Variants in SMG1 observed in about 807,000 individuals in gnomAD.
SMG1 encodes the protein serine/threonine-protein kinase SMG1.
In SMG1, 22 loss-of-function variants were observed where a neutral mutation model predicts 419.9. That is an observed-to-expected ratio of 0.05 (90% CI 0.04 to 0.07). SMG1 has a LOEUF of 0.07. Among genes scored for constraint, SMG1 ranks in the 10% least tolerant of loss-of-function variants. The pLI, the probability that SMG1 is intolerant of heterozygous loss-of-function variation, is 1.00. For synonymous variants in SMG1, 1,538 were observed against 1,553.5 expected, an observed-to-expected ratio of 0.99 and a Z score of 0.23; for missense variants, 3,185 against 4,342.0, an observed-to-expected ratio of 0.73 and a Z score of 7.49.
rs755108064 is a variant in SMG1, at chr16:18,852,293, A to G, written c.4913+25T>C. On this transcript the variant is annotated intron_variant, in intron 32 of 62. Transcript: ENST00000446231. ...TTAAATATCTATTTATGCAATGCAT[A>G]AATAAACTACACATTTAAACATACC... The G allele has an allele frequency of 1.2e-5, 19 of 1,605,334 alleles. No individual in the cohort carries two copies. In the East Asian group the frequency reaches 3.6e-4, roughly 30 times the overall value.
chr16:18,872,362 A>C lies in SMG1; in HGVS notation c.2022-17T>G, dbSNP rs761600962. On this transcript the variant is annotated splice_polypyrimidine_tract_variant and intron_variant, in intron 14 of 62. Transcript: ENST00000446231. The stretch of plus-strand genomic sequence containing the variant: ...TGATCATGCCTGAAAGACAAAGCAC[A>C]GATTATCTTTTCATCTTTAATCAAA... The C allele has an allele frequency of 6.4e-7, 1 of 1,551,412 alleles. No individual in the cohort carries two copies. The highest frequency in any genetic ancestry group is 1.2e-5 in the South Asian group (1 of 81,456).
At position 18,830,289 on chromosome 16, in the gene SMG1, T is replaced by C. The variant is rs769862726; in HGVS notation, c.8873A>G (p.Gln2958Arg). 8.1e-6 allele frequency: 13 copies of C among 1,613,990 alleles called. No homozygotes were observed. The highest frequency in any genetic ancestry group is 9.3e-6 in the Non-Finnish European group (11 of 1,179,872). Residue 2958 changes from glutamine (Q) to arginine (R), a missense_variant, in exon 52 of 63, where the codon CAG becomes CGG. Physicochemically the swap from Gln to Arg is conservative, Grantham distance 43 (BLOSUM62 1). Around this residue, in one of 27 missense-constraint regions of SMG1, gnomAD observed 737 missense variants for 846.6 expected, o/e 0.87. Transcript: ENST00000446231. ...GCCATCGAATGCTACCAAAAGCATCTGGCCAGCTGACATTTTGGGTGTTTC... is the reference window on the plus strand; with the variant it reads ...GCCATCGAATGCTACCAAAAGCATCCGGCCAGCTGACATTTTGGGTGTTTC... ...VDETPKMSAG[Q>R]MLLVAFDGMF...
Position 18,828,210 on chromosome 16 carries a change from A to G in SMG1, c.9604-42T>C, listed in dbSNP as rs773089056. On this transcript the variant is annotated intron_variant, in intron 54 of 62. Transcript: ENST00000446231. ...AAATGTATTAAAATCAGCAGGAAAA[A>G]AGCGTTTAGATAAATAAGGGAAGGG... 5.6e-6 allele frequency: 9 copies of G among 1,595,028 alleles called. No homozygotes were observed. The South Asian group carries it at 7.9e-5, about 14-fold the overall frequency.
At chr16:18,898,616 T>C (rs1387734186) in intron 1 of SMG1, among the ~76,000 whole-genome samples, 1 of 152,204 alleles carries the variant, frequency 6.6e-6, no homozygotes, top group East Asian at 1.9e-4. Context: ...TTATAATCTT[T>C]TCTGACAGAG....
chr16:18,855,029 A>C, intron 29 of SMG1, 125 bp from the exon 30 acceptor site: 1 of 847,890 alleles, frequency 1.2e-6, no homozygotes, highest in Non-Finnish European at 1.8e-6. Context: ...AAGATAACTC[A>C]TCCTCAAATC....
chr16:18,812,883 T>C (rs948642363), intron 60 of SMG1, among the ~76,000 whole-genome samples: 14 of 152,260 alleles, frequency 9.2e-5, no homozygotes, highest in South Asian at 8.3e-4. Context: ...AGTGTTCTCA[T>C]TGTTCAATTC....
intron 1 of SMG1, among the ~76,000 whole-genome samples, chr16:18,906,326 T>G (rs2037560427): frequency 6.6e-6 from 1 of 151,952 alleles, no homozygotes; most frequent in African/African-American, 2.4e-5. Flanking sequence ...CTACTAAAAA[T>G]ACAAAAATTA....
intron 1 of SMG1, among the ~76,000 whole-genome samples, chr16:18,898,670 G>C (rs2037230694): frequency 6.6e-6 from 1 of 152,176 alleles, no homozygotes; most frequent in African/African-American, 2.4e-5. Flanking sequence ...TATTAGATGA[G>C]CGAATAAAAT....
In SMG1 at chr16:18,837,436, C is replaced by A; in HGVS notation, c.7421G>T (p.Trp2474Leu). The change falls in exon 46 of 63, where the codon TGG (tryptophan) becomes TTG (leucine). Residue 2474 changes from tryptophan (W) to leucine (L), a missense_variant. Coordinates refer to ENST00000446231, the MANE Select transcript of SMG1 (RefSeq NM_015092.5). ...CAGCATCTCATCTCTATTCTTAAACCAGTTCACCTGTAAAAAGATATTACG... is the reference window on the plus strand; with the variant it reads ...CAGCATCTCATCTCTATTCTTAAACAAGTTCACCTGTAAAAAGATATTACG... ...SSRVAEIKVN[W>L]FKNRDEMLVV... The A allele has an allele frequency of 1.2e-6, 2 of 1,612,120 alleles. No individual in the cohort carries two copies. Among genetic ancestry groups the A allele is most frequent in the Non-Finnish European group, 1.7e-6 (2 of 1,179,024 alleles).
chr16:18,817,900 G>GT (rs1199336934), intron 56 of SMG1, among the ~76,000 whole-genome samples: 4 of 152,096 alleles, frequency 2.6e-5, no homozygotes, highest in South Asian at 2.1e-4. Context: ...ATTGTGGTTA[G>GT]TTTTTTTGTT....
At chr16:18,885,698 T>C (rs764498726) in intron 6 of SMG1, 32 bp from the exon 7 acceptor site, 1 of 1,593,354 alleles carries the variant, frequency 6.3e-7, no homozygotes, top group Non-Finnish European at 8.5e-7. Flanking sequence ...ACCGTGAACA[T>C]TCAACAAAAT....
Position 18,858,208 on chromosome 16 carries a change from T to C in SMG1, c.4196A>G (p.Tyr1399Cys). 4 of 1,598,090 alleles carry C rather than the reference T, an allele frequency of 2.5e-6. No individual in the cohort carries two copies. The highest frequency in any genetic ancestry group is 2.7e-5 in the African/African-American group (2 of 74,676). Residue 1399 changes from tyrosine (Y) to cysteine (C), a missense_variant, in exon 29 of 63, where the codon TAT (tyrosine) becomes TGT (cysteine). Tyr to Cys is a radical substitution (Grantham distance 194). This residue lies in a region of SMG1 where 493 missense variants were observed against 552.9 expected (regional missense o/e 0.89). Transcript: ENST00000446231. ...DVRPWMQALRYTMYQNQLLEK... is the reference protein window; with the variant it reads ...DVRPWMQALRCTMYQNQLLEK... ...CAACAACTGATTCTGGTACATAGTA[T>C]ACCTTAATGCCTGCATCCATGGCCT...
chr16:18,852,055 T>A lies in SMG1; in HGVS notation c.5052+12A>T, dbSNP rs772368263. 51 of 1,599,792 alleles carry A rather than the reference T, an allele frequency of 3.2e-5. No individual in the cohort carries two copies. Among genetic ancestry groups the A allele is most frequent in the Non-Finnish European group, 4.1e-5 (48 of 1,174,896 alleles). Reference sequence around the variant, plus strand: ...AGTAGCAATCTTGCCCCAAGCACCATGTTTTCCTTGCCTGAATCCCCGCCG... The same window carrying A: ...AGTAGCAATCTTGCCCCAAGCACCAAGTTTTCCTTGCCTGAATCCCCGCCG... On this transcript the variant is annotated intron_variant, in intron 33 of 62. Transcript: ENST00000446231.
chr16:18,868,942 T>G (rs2035665384), intron 20 of SMG1, among the ~76,000 whole-genome samples, 162 bp downstream of exon 20: 1 of 152,196 alleles, frequency 6.6e-6, no homozygotes, highest in African/African-American at 2.4e-5. Context: ...ATATTTCCAA[T>G]GCAATTATTC....
In SMG1 at chr16:18,877,196, A is replaced by T; in HGVS notation, c.1555T>A (p.Phe519Ile). 1.3e-6 allele frequency: 2 copies of T among 1,555,506 alleles called. No homozygotes were observed. Among genetic ancestry groups the T allele is most frequent in the Non-Finnish European group, 1.7e-6 (2 of 1,154,972 alleles). Residue 519 changes from phenylalanine to isoleucine, a missense_variant, in exon 12 of 63, where the codon TTT becomes ATT. Coordinates refer to ENST00000446231, the MANE Select transcript of SMG1 (RefSeq NM_015092.5). ...GATGGTATAAACAGTTTTTCTACAA[A>T]TGATGATGGCAGTTTCGTATTTATC... ...EQINTKLPSS[F>I]VEKLFIPSSK...
chr16:18,904,629 T>C (rs1163640816), intron 1 of SMG1, among the ~76,000 whole-genome samples: 1 of 145,582 alleles, frequency 6.9e-6, no homozygotes. Context: ...AGAGCAAGAC[T>C]CTGTCTCAAA....
chr16:18,888,759 C>A (rs560753881), intron 6 of SMG1, among the ~76,000 whole-genome samples: 36 of 151,282 alleles, frequency 2.4e-4, no homozygotes, highest in African/African-American at 8.5e-4. Context: ...TAGGCCACCA[C>A]GCTTGGCTGA....
intron 39 of SMG1, among the ~76,000 whole-genome samples, chr16:18,843,304 A>C (rs1426211340): frequency 6.6e-6 from 1 of 152,228 alleles, no homozygotes; most frequent in Non-Finnish European, 1.5e-5. Flanking sequence ...AGAAAAGACA[A>C]AGACAAGTAA....
At chr16:18,921,323 A>G (rs1349254925) in intron 1 of SMG1, among the ~76,000 whole-genome samples, 1 of 152,112 alleles carries the variant, frequency 6.6e-6, no homozygotes, top group African/African-American at 2.4e-5. Flanking sequence ...TCCAGCCTGG[A>G]CAACAGAGCA....
Sources: gnomAD v4.1 joint callset for allele counts (sites outside exome capture counted in the v4.1 genomes callset) on GRCh38, gnomAD v4.1.1 for gene constraint, gnomAD v4.1.1 regional missense constraint, MANE v1.5 for transcripts, NCBI Gene and HGNC (gene_info 2026-07-23, HGNC 2026-07-21) for gene names.